EML5: variants seen among roughly 807,000 people sequenced by gnomAD.
EML5 encodes the protein echinoderm microtubule-associated protein-like 5.
A neutral mutation model predicts 250.0 loss-of-function variants in EML5; 120 were observed. That is an observed-to-expected ratio of 0.48 (90% confidence interval 0.41 to 0.56). EML5 has a LOEUF of 0.56. EML5 is among the 20% of genes least tolerant of loss of function. The pLI, the probability that EML5 is intolerant of heterozygous loss-of-function variation, is 0.00. For synonymous variants in EML5, 771 were observed against 806.5 expected, an observed-to-expected ratio of 0.96 and a Z score of 0.75; for missense variants, 2,006 against 2,437.6, an observed-to-expected ratio of 0.82 and a Z score of 3.73.
intron 21 of EML5, among the ~76,000 whole-genome samples, chr14:88,671,020 C>A (rs1274393867): frequency 6.6e-6 from 1 of 152,146 alleles, no homozygotes; most frequent in African/African-American, 2.4e-5. Flanking sequence ...CCCAACCTAA[C>A]AAGACAGGCC....
At chr14:88,690,836 A>G (rs772787587) in intron 17 of EML5, among the ~76,000 whole-genome samples, 17 of 152,198 alleles carry the variant, frequency 1.1e-4, no homozygotes, top group Non-Finnish European at 2.4e-4. Flanking sequence ...CACAAATGGA[A>G]GAACTGGCCT....
At position 88,715,096 on chromosome 14, in the gene EML5, G is replaced by T. The variant is rs781386142; in HGVS notation, c.1287C>A (p.Asp429Glu). The T allele has an allele frequency of 1.2e-6, 2 of 1,613,728 alleles. No homozygotes were observed. Among genetic ancestry groups the T allele is most frequent in the Admixed American group, 3.3e-5 (2 of 59,978 alleles). The change falls in exon 9 of 44, where the codon GAC becomes GAA. Residue 429 changes from aspartate to glutamate, a missense_variant. Asp to Glu is a conservative substitution (Grantham distance 45, BLOSUM62 2). Coordinates refer to ENST00000554922, the MANE Select transcript of EML5 (RefSeq NM_183387.3). The stretch of plus-strand genomic sequence containing the variant: ...CAACTCCATAAATATCAACCGAGCT[G>T]TCATTGCATCCAACAGCAAGGTAAG... ...DGTYLAVGCNDSSVDIYGVAQ... is the reference protein window; with the variant it reads ...DGTYLAVGCNESSVDIYGVAQ...
At chr14:88,643,141 G>T in intron 30 of EML5, 119 bp from the exon 31 acceptor site, 2 of 1,009,760 alleles carry the variant, frequency 2.0e-6, no homozygotes, top group South Asian at 2.2e-5. Flanking sequence ...CATTTTTGAT[G>T]TTTTACAAAC....
intron 17 of EML5, among the ~76,000 whole-genome samples, chr14:88,689,763 A>C (rs1253146835): frequency 1.3e-5 from 2 of 152,168 alleles, no homozygotes; most frequent in African/African-American, 4.8e-5. Flanking sequence ...AGAAAGAAAG[A>C]AAAAAGAAAT....
At chr14:88,645,533 A>T (rs537264661) in intron 29 of EML5, among the ~76,000 whole-genome samples, 1 of 152,276 alleles carries the variant, frequency 6.6e-6, no homozygotes, top group Admixed American at 6.5e-5. Flanking sequence ...TTGAAAGTGA[A>T]TTTTCGTAAT....
At position 88,613,693 on chromosome 14, in the gene EML5, G is replaced by A. The variant is rs1390705122; in HGVS notation, c.*2125C>T. The A allele has an allele frequency of 1.3e-5, 2 of 152,176 alleles. No homozygotes were observed. The highest frequency in any genetic ancestry group is 6.5e-5 in the Admixed American group (1 of 15,274). The allele number at this position is 152,176 out of a possible 1,614,324, so 9.4% of individuals were successfully genotyped here. A position where few individuals can be genotyped will look rare whatever the true frequency, so the allele number is the denominator to read the frequency against. ...AGGAAATGAGCATGGTTGGCGATTG[G>A]AAGCAAGGGTACCAGAGGGCACAGT... On this transcript the variant is annotated 3_prime_UTR_variant, in exon 44 of 44. Coordinates refer to ENST00000554922, the MANE Select transcript of EML5 (RefSeq NM_183387.3).
chr14:88,770,394 T>C (rs1302871408), intron 1 of EML5, among the ~76,000 whole-genome samples: 1 of 152,174 alleles, frequency 6.6e-6, no homozygotes, highest in Non-Finnish European at 1.5e-5. Context: ...TTATATATGG[T>C]GAGGTATATG....
intron 26 of EML5, among the ~76,000 whole-genome samples, 170 bp from the exon 27 acceptor site, chr14:88,657,672 T>C (rs1327386755): frequency 1.3e-5 from 2 of 152,198 alleles, no homozygotes; most frequent in African/African-American, 2.4e-5. Context: ...TTTAATTATA[T>C]GTAATGATGT....
chr14:88,792,579 C>A lies in EML5; in HGVS notation c.-76G>T. On this transcript the variant is annotated 5_prime_UTR_variant, in exon 1 of 44. Coordinates refer to ENST00000554922, the MANE Select transcript of EML5 (RefSeq NM_183387.3). This position sits in a 1 kb window ranked among gnomAD's most constrained non-coding sequence, Gnocchi z 6.9. ...GGCGGCGGCGGCCCGGCAACGAAAG[C>A]CCTCCCGCTGGCTGCCGGGACTTCC... 1 of 1,202,102 alleles carries A rather than the reference C, an allele frequency of 8.3e-7. No individual in the cohort carries two copies. The highest frequency in any genetic ancestry group is 1.0e-6 in the Non-Finnish European group (1 of 966,202). 74.5% of individuals were successfully genotyped at this position (1,202,102 alleles called of 1,614,324 possible).
At chr14:88,621,472 C>G (rs2088922385) in intron 37 of EML5, 171 bp from the exon 38 acceptor site, 2 of 654,208 alleles carry the variant, frequency 3.1e-6, no homozygotes, top group Admixed American at 5.4e-5. Context: ...TACAGGCACA[C>G]ATCTATCTGT....
chr14:88,616,741 T>C lies in EML5; in HGVS notation c.5781A>G (p.Pro1927=). The change falls in exon 42 of 44, where the codon CCA becomes CCG. Residue 1927 remains proline (P), a synonymous_variant. Coordinates refer to ENST00000554922, the MANE Select transcript of EML5 (RefSeq NM_183387.3). ...ACAAACTTACAAATTTTTCTGGACA[T>C]GGGAAGTCAAATAACTTAACCATGC... is the stretch of plus-strand genomic sequence containing the variant. ...DFGMVKLFDF[P]CPEKFAKHKR... 6.2e-7 allele frequency: 1 copy of C among 1,613,384 alleles called. No homozygotes were observed. Among genetic ancestry groups the C allele is most frequent in the Non-Finnish European group, 8.5e-7 (1 of 1,179,602 alleles).
intron 8 of EML5, among the ~76,000 whole-genome samples, chr14:88,717,756 AAACAACAACAACAAC>A (rs147401940): frequency 6.6e-6 from 1 of 150,786 alleles, no homozygotes; most frequent in Non-Finnish European, 1.5e-5. Flanking sequence ...CTCCGTCTCA[AAACAACAACAACAAC>A]AACAACAACA....
At chr14:88,643,050 ATTC>A (rs768082072) in intron 30 of EML5, 28 bp from the exon 31 acceptor site, 1 of 1,541,612 alleles carries the variant, frequency 6.5e-7, no homozygotes, top group East Asian at 2.4e-5. Flanking sequence ...AAACCATTAT[ATTC>A]TTCCTCATGT....
intron 4 of EML5, among the ~76,000 whole-genome samples, chr14:88,742,855 T>C: frequency 6.6e-6 from 1 of 152,062 alleles, no homozygotes; most frequent in African/African-American, 2.4e-5. Context: ...AAAGATGCAC[T>C]GGAGAAAACG....
intron 27 of EML5, among the ~76,000 whole-genome samples, chr14:88,652,482 G>A (rs562043276): frequency 2.6e-5 from 4 of 152,172 alleles, no homozygotes; most frequent in South Asian, 2.1e-4. Flanking sequence ...TCCCTCTGAC[G>A]AAGCTTTCCT....
intron 29 of EML5, among the ~76,000 whole-genome samples, chr14:88,645,838 A>G (rs2091321523): frequency 6.6e-6 from 1 of 152,228 alleles, no homozygotes; most frequent in African/African-American, 2.4e-5. Context: ...AGTAGCTGTC[A>G]AATCTCAAAT....
At chr14:88,744,153 C>T in intron 3 of EML5, 62 bp from the exon 4 acceptor site, 2 of 1,200,414 alleles carry the variant, frequency 1.7e-6, no homozygotes, top group Middle Eastern at 2.3e-4. Context: ...AAAATCCTGT[C>T]CAAAAGACCA....
In EML5 at chr14:88,792,294, C is replaced by G; in HGVS notation, c.197+13G>C. ...CTTGCAGGGTGACGGCGGCGGCCCC[C>G]GCTCCCCGGTACCTGATGATGTCGT... On this transcript the variant is annotated intron_variant, in intron 1 of 43. Transcript: ENST00000554922. This position sits in a 1 kb window ranked among gnomAD's most constrained non-coding sequence, Gnocchi z 6.9. 6.5e-7 allele frequency: 1 copy of G among 1,546,684 alleles called. No homozygotes were observed. The highest frequency in any genetic ancestry group is 8.7e-7 in the Non-Finnish European group (1 of 1,147,400).
Position 88,665,495 on chromosome 14 carries a change from A to G in EML5, c.3125-6T>C, listed in dbSNP as rs771082022. ...AAAACAGCAACACCTCCCACCTGAA[A>G]GAGAAAGAGCATATTAGGCAATTTT... On this transcript the variant is annotated splice_region_variant and splice_polypyrimidine_tract_variant and intron_variant, in intron 21 of 43. Coordinates refer to ENST00000554922, the MANE Select transcript of EML5 (RefSeq NM_183387.3). 1 of 1,613,468 alleles carries G rather than the reference A, an allele frequency of 6.2e-7. No individual in the cohort carries two copies. Among genetic ancestry groups the G allele is most frequent in the African/African-American group, 1.3e-5 (1 of 74,884 alleles).
Sources: allele counts gnomAD v4.1 joint callset (sites outside exome capture counted in the v4.1 genomes callset), GRCh38; gene constraint gnomAD v4.1.1; non-coding constraint Gnocchi (gnomAD v3.1); transcripts MANE v1.5; gene names NCBI Gene and HGNC (gene_info 2026-07-23, HGNC 2026-07-21).